The following OR6F1 variants were observed in gnomAD, a reference collection of about 807,000 sequenced individuals.
OR6F1 encodes the protein olfactory receptor 6F1.
For synonymous variants in OR6F1, 144 were observed against 150.0 expected (o/e 0.96, Z 0.29); for missense variants, 346 against 376.0 (o/e 0.92, Z 0.66).
chr1:247,714,850 AC>A (rs199670414), intron 1 of OR6F1, among the ~76,000 whole-genome samples: 1,935 of 152,326 alleles, frequency 0.013, 35 homozygotes, highest in African/African-American at 0.042. Context: ...TGTGTCATTC[AC>A]GGCCAACCAG....
rs777425536 is a variant in OR6F1 at position 247,712,288 on chromosome 1, A to G, written c.468T>C (p.Ile156=). 8 of 1,614,176 alleles carry G rather than the reference A, an allele frequency of 5.0e-6. No individual in the cohort carries two copies. The highest frequency in any genetic ancestry group is 5.9e-6 in the Non-Finnish European group (7 of 1,180,030). The stretch of plus-strand genomic sequence containing the variant: ...CACTGATGAGGGCTGTGGGCACTGC[A>G]ATGGCCACGAAACCACACACCCAGG... ...LGSWVCGFVA[I]AVPTALISGL... The change falls in exon 3 of 3, where the codon ATT becomes ATC. Residue 156 remains isoleucine, a synonymous_variant. Transcript: ENST00000641470.
intron 2 of OR6F1, among the ~76,000 whole-genome samples, chr1:247,713,265 T>C (rs77746217): frequency 6.4e-4 from 97 of 151,904 alleles, no homozygotes; most frequent in African/African-American, 2.2e-3. Context: ...TATTTAGCAG[T>C]TGTAGCTTCT....
At position 247,715,044 on chromosome 1, in the gene OR6F1, T is replaced by C. The variant is rs114034005; in HGVS notation, c.-126-1090A>G. ...TGTTAGCTAATGTGATCTTTGTAAA[T>C]CCTGTTAGCTTGCTTTTATCCTACT... On this transcript the variant is annotated intron_variant, in intron 1 of 2. Coordinates refer to ENST00000641470, the MANE Select transcript of OR6F1 (RefSeq NM_001005286.2). Among the ~76,000 whole-genome samples, 1,285 of 152,294 alleles carry C rather than the reference T, an allele frequency of 8.4e-3. 12 individuals carry two copies. The highest frequency in any genetic ancestry group is 0.028 in the African/African-American group (1,143 of 41,554).
Position 247,711,563 on chromosome 1 carries a change from A to T in OR6F1, c.*266T>A. Reference sequence around the variant, plus strand: ...TACCAAAGCACTCTTTTTATTGCAGATGTCTCTAATTTATAAACCAAAGTC... The same window carrying T: ...TACCAAAGCACTCTTTTTATTGCAGTTGTCTCTAATTTATAAACCAAAGTC... On this transcript the variant is annotated 3_prime_UTR_variant, in exon 3 of 3. Coordinates refer to ENST00000641470, the MANE Select transcript of OR6F1 (RefSeq NM_001005286.2). The T allele has an allele frequency of 3.5e-6, 1 of 284,032 alleles. No homozygotes were observed. Among genetic ancestry groups the T allele is most frequent in the Non-Finnish European group, 6.6e-6 (1 of 152,318 alleles). 17.6% of individuals were successfully genotyped at this position (284,032 alleles called of 1,614,324 possible).
chr1:247,714,672 C>T (rs996021649), intron 1 of OR6F1, among the ~76,000 whole-genome samples: 5 of 151,968 alleles, frequency 3.3e-5, no homozygotes, highest in Non-Finnish European at 7.4e-5. Context: ...TCCTCCTTTA[C>T]ACTGGTAAAG....
intron 2 of OR6F1, among the ~76,000 whole-genome samples, chr1:247,713,485 T>C (rs533978251): frequency 1.3e-5 from 2 of 152,296 alleles, no homozygotes; most frequent in South Asian, 4.1e-4. Context: ...TGATGCCCAC[T>C]TGGAAGTGAG....
chr1:247,715,997 A>C (rs1156655069), intron 1 of OR6F1, among the ~76,000 whole-genome samples: 1 of 152,170 alleles, frequency 6.6e-6, no homozygotes, highest in Non-Finnish European at 1.5e-5. Context: ...TGACACCTCT[A>C]ATCCTAGCAC....
chr1:247,712,506 T>G lies in OR6F1; in HGVS notation c.250A>C (p.Ile84Leu). ...TTAAVPKALA[I>L]LLGRSQTISF... ...ATGGTCTGACTTCTCCCCAGTAGGA[T>G]GGCCAGTGCTTTGGGCACTGCTGCT... The change falls in exon 3 of 3, where the codon ATC (isoleucine) becomes CTC (leucine). Residue 84 changes from isoleucine to leucine, a missense_variant. By Grantham distance (5) the Ile-to-Leu change is conservative. Transcript: ENST00000641470. 6.2e-7 allele frequency: 1 copy of G among 1,614,040 alleles called. No homozygotes were observed. The highest frequency in any genetic ancestry group is 8.5e-7 in the Non-Finnish European group (1 of 1,179,878).
Position 247,712,765 on chromosome 1 carries a change from G to T in OR6F1, c.-10C>A. The T allele has an allele frequency of 6.4e-7, 1 of 1,571,022 alleles. No individual in the cohort carries two copies. The highest frequency in any genetic ancestry group is 1.1e-5 in the South Asian group (1 of 89,284). ...TGTTGCCTGTGTCCATTGTGGTACTGAAACCAGAAAACAGAGTCCCCGCAC... is the reference window on the plus strand; with the variant it reads ...TGTTGCCTGTGTCCATTGTGGTACTTAAACCAGAAAACAGAGTCCCCGCAC... On this transcript the variant is annotated 5_prime_UTR_variant, in exon 3 of 3. An upstream open reading frame in the 5' UTR gains an earlier in-frame stop. Coordinates refer to ENST00000641470, the MANE Select transcript of OR6F1 (RefSeq NM_001005286.2).
intron 1 of OR6F1, among the ~76,000 whole-genome samples, chr1:247,714,418 C>T (rs1376282274): frequency 6.6e-6 from 1 of 151,288 alleles, no homozygotes; most frequent in South Asian, 2.1e-4. Flanking sequence ...CAATTCATAC[C>T]CCTGAGAACC....
Position 247,712,027 on chromosome 1 carries a change from C to G in OR6F1, c.729G>C (p.Ser243=), listed in dbSNP as rs150409826. The part of the protein sequence containing the change: ...GRSKAFSTCS[S]HLTVVLIWYG... ...ACCAAATGAGCACCACGGTGAGATG[C>G]GAGGAGCACGTGGAGAAGGCTTTGC... Residue 243 remains serine (S), a synonymous_variant, in exon 3 of 3, where the codon TCG becomes TCC. Coordinates refer to ENST00000641470, the MANE Select transcript of OR6F1 (RefSeq NM_001005286.2). 1 of 1,614,084 alleles carries G rather than the reference C, an allele frequency of 6.2e-7. No individual in the cohort carries two copies. Among genetic ancestry groups the G allele is most frequent in the Non-Finnish European group, 8.5e-7 (1 of 1,179,982 alleles).
At position 247,711,895 on chromosome 1, in the gene OR6F1, G is replaced by A; in HGVS notation, c.861C>T (p.Pro287=). The part of the protein sequence containing the change: ...LNTVVTPVLN[P]FIYTLRNKEV... ...CCTTATTACGAAGCGTATAGATGAA[G>A]GGGTTTAAAACTGGAGTCACCACAG... Residue 287 remains proline (P), a synonymous_variant, in exon 3 of 3, where the codon CCC becomes CCT. Coordinates refer to ENST00000641470, the MANE Select transcript of OR6F1 (RefSeq NM_001005286.2). The A allele has an allele frequency of 1.2e-6, 2 of 1,613,896 alleles. No individual in the cohort carries two copies. Among genetic ancestry groups the A allele is most frequent in the Non-Finnish European group, 1.7e-6 (2 of 1,179,824 alleles).
intron 1 of OR6F1, among the ~76,000 whole-genome samples, chr1:247,714,184 A>T (rs1476823627): frequency 1.3e-5 from 2 of 152,162 alleles, no homozygotes; most frequent in Admixed American, 1.3e-4. Flanking sequence ...CTGGCACTGG[A>T]TTATTTTGAA....
intron 2 of OR6F1, among the ~76,000 whole-genome samples, chr1:247,713,333 G>GT (rs764687654): frequency 6.6e-6 from 1 of 151,268 alleles, no homozygotes; most frequent in Middle Eastern, 3.2e-3. Context: ...GTCACCAAAG[G>GT]TAACTTTAAA....
At chr1:247,714,626 ACTGAAC>A (rs780938829) in intron 1 of OR6F1, among the ~76,000 whole-genome samples, 3 of 152,046 alleles carry the variant, frequency 2.0e-5, no homozygotes, top group Non-Finnish European at 2.9e-5. Flanking sequence ...GATTCCACCC[ACTGAAC>A]CTAAGATGGG....
At chr1:247,713,776 C>T (rs763210059) in intron 2 of OR6F1, 115 bp downstream of exon 2, 15 of 396,024 alleles carry the variant, frequency 3.8e-5, no homozygotes, top group Admixed American at 2.2e-4. Flanking sequence ...CGTTCACCAA[C>T]GCCGAATGTT....
intron 1 of OR6F1, 42 bp downstream of exon 1, chr1:247,716,289 T>G (rs1231164136): frequency 6.6e-6 from 1 of 152,106 alleles, no homozygotes; most frequent in Non-Finnish European, 1.5e-5. Flanking sequence ...GATGAAACAC[T>G]GGACAGAACT....
In OR6F1 at chr1:247,712,736, G is replaced by A; in HGVS notation, c.20C>T (p.Thr7Ile). 6.2e-7 allele frequency: 1 copy of A among 1,602,064 alleles called. No individual in the cohort carries two copies. Among genetic ancestry groups the A allele is most frequent in the South Asian group, 1.1e-5 (1 of 90,972 alleles). Residue 7 changes from threonine (T) to isoleucine (I), a missense_variant, in exon 3 of 3, where the codon ACT becomes ATT. Coordinates refer to ENST00000641470, the MANE Select transcript of OR6F1 (RefSeq NM_001005286.2). ...CAGTAAGAGAAAGTCCTGGGGCAGA[G>A]TTTTGTTGCCTGTGTCCATTGTGGT... MDTGNK[T>I]LPQDFLLLGF...
rs980403525 is a variant in OR6F1 at position 247,711,755 on chromosome 1, C to T, written c.*74G>A. On this transcript the variant is annotated 3_prime_UTR_variant, in exon 3 of 3. Transcript: ENST00000641470. ...GTACCAAGAAAGATTTGCCCTATTC[C>T]TCCACATTCTTACTTGGAACCTCTG... The T allele has an allele frequency of 2.4e-5, 23 of 939,396 alleles. No homozygotes were observed. The highest frequency in any genetic ancestry group is 2.2e-4 in the Middle Eastern group (1 of 4,474). The allele number at this position is 939,396 out of a possible 1,614,324, so 58.2% of individuals were successfully genotyped here.
Sources: gnomAD v4.1 joint callset for allele counts (sites outside exome capture counted in the v4.1 genomes callset) on GRCh38, gnomAD v4.1.1 for gene constraint, MANE v1.5 for transcripts, NCBI Gene and HGNC (gene_info 2026-07-23, HGNC 2026-07-21) for gene names.